The following SLC44A5 variants were observed in gnomAD, a reference collection of about 807,000 sequenced individuals.
SLC44A5 encodes choline transporter-like protein 5.
A neutral mutation model predicts 101.8 loss-of-function variants in SLC44A5; 57 were observed. That is an observed-to-expected ratio of 0.56 (90% CI 0.45 to 0.70). SLC44A5 has a LOEUF of 0.70. Among genes scored for constraint, SLC44A5 ranks in the 30% least tolerant of loss-of-function variants. SLC44A5 has a pLI of 0.00. For missense variants in SLC44A5, 737 were observed against 853.1 expected, an observed-to-expected ratio of 0.86 and a Z score of 1.70; for synonymous variants, 281 against 290.9, an observed-to-expected ratio of 0.97 and a Z score of 0.35.
At chr1:75,308,966 CTGA>C (rs2100905255) in intron 4 of SLC44A5, among the ~76,000 whole-genome samples, 1 of 152,076 alleles carries the variant, frequency 6.6e-6, no homozygotes, top group Non-Finnish European at 1.5e-5. Flanking sequence ...AAAATATTGC[CTGA>C]TGATGATAGG....
chr1:75,584,808 G>T (rs118048832), intron 1 of SLC44A5, among the ~76,000 whole-genome samples: 2 of 152,172 alleles, frequency 1.3e-5, no homozygotes, highest in East Asian at 3.9e-4. Flanking sequence ...CGTTGTCCAG[G>T]CTGGTCTTGG....
chr1:75,421,888 T>C (rs533506735), intron 2 of SLC44A5, among the ~76,000 whole-genome samples: 6 of 151,722 alleles, frequency 4.0e-5, no homozygotes, highest in African/African-American at 1.4e-4. Flanking sequence ...AAAAAAAAAG[T>C]ACTTTGGTGA....
intron 1 of SLC44A5, among the ~76,000 whole-genome samples, chr1:75,572,117 T>C (rs1405517168): frequency 6.6e-6 from 1 of 152,216 alleles, no homozygotes; most frequent in Non-Finnish European, 1.5e-5. Flanking sequence ...TTATCTCCTG[T>C]GTACCCTTCC....
In SLC44A5 at chr1:75,284,071, T is replaced by A. The variant is rs183200889; in HGVS notation, c.176-9029A>T. On this transcript the variant is annotated intron_variant, in intron 5 of 23. Transcript: ENST00000370859. ...GGTATTTTGATGTGAAATGGCCTAATCTGTACATTGTTTTCAGCAGTATGG... is the reference window on the plus strand; with the variant it reads ...GGTATTTTGATGTGAAATGGCCTAAACTGTACATTGTTTTCAGCAGTATGG... 4.5e-3 allele frequency among the ~76,000 whole-genome samples: 682 copies of A among 152,262 alleles called. 4 individuals carry two copies. The highest frequency in any genetic ancestry group is 0.015 in the South Asian group (72 of 4,830).
chr1:75,412,071 T>C (rs575336567), intron 2 of SLC44A5, among the ~76,000 whole-genome samples: 2 of 152,260 alleles, frequency 1.3e-5, no homozygotes, highest in South Asian at 4.1e-4. Flanking sequence ...TTCAGTAGAA[T>C]TTGATGAGGA....
At chr1:75,238,040 G>A (rs915023982) in intron 10 of SLC44A5, among the ~76,000 whole-genome samples, 1 of 151,776 alleles carries the variant, frequency 6.6e-6, no homozygotes, top group Non-Finnish European at 1.5e-5. Context: ...ATTATACTTA[G>A]TACATAGAAA....
rs1296023627 is a variant in SLC44A5, at chr1:75,570,522, G to A, written c.-69-29006C>T. ...ACAGTGAAACATGAGGCTGAAGAGG[G>A]AGGGACTGATGCAAGTCTGTTTTGC... On this transcript the variant is annotated intron_variant, in intron 1 of 23. Coordinates refer to ENST00000370859, the MANE Select transcript of SLC44A5 (RefSeq NM_001130058.2). Among the ~76,000 whole-genome samples, 5 of 152,166 alleles carry A rather than the reference G, an allele frequency of 3.3e-5. No homozygotes were observed. In the East Asian group the frequency reaches 7.7e-4, roughly 23 times the overall value.
intron 2 of SLC44A5, among the ~76,000 whole-genome samples, chr1:75,516,436 G>C (rs1669838839): frequency 6.6e-6 from 1 of 151,924 alleles, no homozygotes. Flanking sequence ...AGAATGGCGT[G>C]AACCTGGGAG....
intron 3 of SLC44A5, among the ~76,000 whole-genome samples, chr1:75,388,233 A>AATAC (rs1234483920): frequency 1.3e-5 from 2 of 149,112 alleles, no homozygotes; most frequent in Admixed American, 6.6e-5. Flanking sequence ...TAAATAAATA[A>AATAC]ATCCAAAAAA....
chr1:75,658,493 T>C, the SLC44A5 span, among the ~76,000 whole-genome samples: 2 of 152,154 alleles, frequency 1.3e-5, no homozygotes, highest in Non-Finnish European at 2.9e-5. Context: ...ACTTCATAAA[T>C]ACATGGAAAG....
intron 2 of SLC44A5, among the ~76,000 whole-genome samples, chr1:75,437,725 C>G (rs775182116): frequency 7.3e-4 from 111 of 152,244 alleles, no homozygotes; most frequent in Middle Eastern, 3.4e-3. Context: ...TCATCTCCAA[C>G]ACTCTCACTG....
In SLC44A5 at chr1:75,461,462, G is replaced by C. The variant is rs191383008; in HGVS notation, c.14-64841C>G. ...CTATTAATATTATTATGAGTGGTGTGTCTCAGGACATTAGATATATTTAAT... is the reference window on the plus strand; with the variant it reads ...CTATTAATATTATTATGAGTGGTGTCTCTCAGGACATTAGATATATTTAAT... On this transcript the variant is annotated intron_variant, in intron 2 of 23. Coordinates refer to ENST00000370859, the MANE Select transcript of SLC44A5 (RefSeq NM_001130058.2). Among the ~76,000 whole-genome samples, 393 of 152,226 alleles carry C rather than the reference G, an allele frequency of 2.6e-3. 1 individual carries two copies. Among genetic ancestry groups the C allele is most frequent in the Non-Finnish European group, 4.7e-3 (319 of 68,022 alleles).
At chr1:75,409,087 C>T (rs181714556) in intron 2 of SLC44A5, among the ~76,000 whole-genome samples, 11 of 152,198 alleles carry the variant, frequency 7.2e-5, no homozygotes, top group Admixed American at 1.3e-4. Context: ...AGTGAATAAA[C>T]GCACAAAATA....
At chr1:75,568,436 G>A (rs999092756) in intron 1 of SLC44A5, among the ~76,000 whole-genome samples, 2 of 152,080 alleles carry the variant, frequency 1.3e-5, no homozygotes, top group South Asian at 2.1e-4. Flanking sequence ...GCAGAGCTCC[G>A]GCCAATAAGC....
the SLC44A5 span, among the ~76,000 whole-genome samples, chr1:75,622,970 G>T: frequency 2.6e-5 from 4 of 152,034 alleles, no homozygotes; most frequent in Non-Finnish European, 5.9e-5. Flanking sequence ...TTTTGACAAT[G>T]AACCAAATTG....
At chr1:75,451,236 T>G (rs1665891465) in intron 2 of SLC44A5, among the ~76,000 whole-genome samples, 1 of 152,126 alleles carries the variant, frequency 6.6e-6, no homozygotes, top group African/African-American at 2.4e-5. Flanking sequence ...CACTATGCAT[T>G]CCATGAATTG....
At chr1:75,578,671 CA>C (rs1261701934) in intron 1 of SLC44A5, among the ~76,000 whole-genome samples, 2 of 151,962 alleles carry the variant, frequency 1.3e-5, no homozygotes, top group Admixed American at 1.3e-4. Flanking sequence ...TCAAAGGGTG[CA>C]AAGTTTCAGT....
At chr1:75,247,361 C>T (rs563420478) in intron 7 of SLC44A5, among the ~76,000 whole-genome samples, 4 of 152,004 alleles carry the variant, frequency 2.6e-5, no homozygotes, top group Non-Finnish European at 4.4e-5. Flanking sequence ...GGGATAAAGT[C>T]AGAGATTAGG....
intron 2 of SLC44A5, among the ~76,000 whole-genome samples, chr1:75,494,028 ATGTT>A (rs1668548667): frequency 1.3e-5 from 2 of 152,176 alleles, no homozygotes; most frequent in Admixed American, 6.5e-5. Context: ...TATGGTTTGA[ATGTT>A]TGTCCTCTCC....
Sources: allele counts gnomAD v4.1 joint callset (sites outside exome capture counted in the v4.1 genomes callset), GRCh38; gene constraint gnomAD v4.1.1; transcripts MANE v1.5; gene names NCBI Gene and HGNC (gene_info 2026-07-23, HGNC 2026-07-21).